The following GTF3A variants were observed in gnomAD, a reference collection of about 807,000 sequenced individuals.
GTF3A encodes the protein transcription factor IIIA.
A neutral mutation model predicts 37.6 loss-of-function variants in GTF3A; 40 were observed. The ratio of observed to expected loss-of-function variants is 1.06; its 90% CI spans 0.83 to 1.38. The LOEUF is 1.38. Among genes scored for constraint, GTF3A ranks in the 40% most tolerant of loss-of-function variants. The pLI, the probability that GTF3A is intolerant of heterozygous loss-of-function variation, is 0.00. For synonymous variants in GTF3A, 191 were observed against 166.7 expected, an observed-to-expected ratio of 1.15 and a Z score of -1.12; for missense variants, 500 against 462.6, an observed-to-expected ratio of 1.08 and a Z score of -0.74.
chr13:27,427,486 A>G (rs937912694), intron 2 of GTF3A, among the ~76,000 whole-genome samples: 1 of 152,166 alleles, frequency 6.6e-6, no homozygotes, highest in Admixed American at 6.5e-5. Context: ...CTGAGCTAAC[A>G]TAAAATGCTC....
intron 2 of GTF3A, among the ~76,000 whole-genome samples, chr13:27,427,763 A>G (rs543122189): frequency 2.0e-5 from 3 of 152,138 alleles, no homozygotes; most frequent in Admixed American, 2.0e-4. Flanking sequence ...TAAAAGTTAC[A>G]TAACAAAACT....
rs747721452 is a variant in GTF3A, at chr13:27,435,485, T to C, written c.986T>C (p.Ile329Thr). 1.2e-6 allele frequency: 2 copies of C among 1,613,300 alleles called. No homozygotes were observed. The highest frequency in any genetic ancestry group is 2.2e-5 in the South Asian group (2 of 90,984). Residue 329 changes from isoleucine to threonine, a missense_variant, in exon 9 of 9, where the codon ATC becomes ACC. Ile to Thr is a moderately conservative substitution (Grantham distance 89, BLOSUM62 -1). Transcript: ENST00000381140. ...TTGGCCTCTCATCTCAGTGGATATA[T>C]CCCTCCCAAAAGGAAACAAGGGCAA...
rs539824927 is a variant in GTF3A, at chr13:27,430,951, T to C, written c.488+330T>C. 4.7e-4 allele frequency among the ~76,000 whole-genome samples: 71 copies of C among 152,350 alleles called. No individual in the cohort carries two copies. In the South Asian group the frequency reaches 0.013, roughly 28 times the overall value. On this transcript the variant is annotated intron_variant, in intron 4 of 8. Coordinates refer to ENST00000381140, the MANE Select transcript of GTF3A (RefSeq NM_002097.3). ...ATTAGGTCCCATTTATTTATTTCTA[T>C]TTTTGTTGCATTTGCTTTCAGGGCC...
intron 5 of GTF3A, 76 bp downstream of exon 5, chr13:27,432,880 C>G: frequency 8.2e-7 from 1 of 1,224,650 alleles, no homozygotes; most frequent in Non-Finnish European, 1.2e-6. Flanking sequence ...TCTGTGATCA[C>G]GCTGAAAAGA....
At chr13:27,428,912 A>T (rs1248391510) in intron 2 of GTF3A, among the ~76,000 whole-genome samples, 1 of 150,318 alleles carries the variant, frequency 6.7e-6, no homozygotes, top group East Asian at 2.4e-4. Context: ...AGGAAAGGGC[A>T]TAAGAGGCAT....
At chr13:27,435,372 AAAATT>A (rs2138032639) in intron 8 of GTF3A, 56 bp from the exon 9 acceptor site, 1 of 1,528,900 alleles carries the variant, frequency 6.5e-7, no homozygotes, top group Admixed American at 1.9e-5. Context: ...TGACTATCGT[AAAATT>A]AACTCAGACA....
chr13:27,427,054 A>G (rs1052551442), intron 1 of GTF3A, 38 bp from the exon 2 acceptor site: 3 of 987,122 alleles, frequency 3.0e-6, no homozygotes, highest in Non-Finnish European at 4.8e-6. Flanking sequence ...GTTACTAACT[A>G]GTGCAGAAGT....
intron 4 of GTF3A, among the ~76,000 whole-genome samples, 187 bp from the exon 5 acceptor site, chr13:27,432,544 T>A (rs1163517602): frequency 6.6e-6 from 1 of 152,158 alleles, no homozygotes; most frequent in African/African-American, 2.4e-5. Flanking sequence ...TCTCCAACAG[T>A]TTGTTTTGTC....
intron 4 of GTF3A, 64 bp downstream of exon 4, chr13:27,430,685 G>A (rs1953649280): frequency 9.9e-7 from 1 of 1,011,472 alleles, no homozygotes; most frequent in Admixed American, 1.9e-5. Flanking sequence ...GAAATGCAAG[G>A]GTGGTGTTGA....
chr13:27,432,595 AGC>A (rs2138026918), intron 4 of GTF3A, 134 bp from the exon 5 acceptor site: 14 of 689,020 alleles, frequency 2.0e-5, no homozygotes, highest in Non-Finnish European at 3.4e-5. Flanking sequence ...CTGTGATGAG[AGC>A]TACATTTTAA....
chr13:27,433,676 A>G (rs1216521862), intron 5 of GTF3A, among the ~76,000 whole-genome samples: 1 of 152,062 alleles, frequency 6.6e-6, no homozygotes, highest in African/African-American at 2.4e-5. Flanking sequence ...GTGGTGTGCC[A>G]TGGACAAGGG....
At chr13:27,428,862 T>C (rs1288976762) in intron 2 of GTF3A, among the ~76,000 whole-genome samples, 1 of 152,210 alleles carries the variant, frequency 6.6e-6, no homozygotes, top group Non-Finnish European at 1.5e-5. Context: ...GATGCCTGTT[T>C]GGGCCCATCT....
intron 2 of GTF3A, among the ~76,000 whole-genome samples, chr13:27,427,406 C>T (rs138673229): frequency 3.3e-5 from 5 of 152,066 alleles, no homozygotes; most frequent in East Asian, 1.9e-4. Context: ...GGTGAAACCC[C>T]GTATGTACAA....
At chr13:27,434,357 ATGT>A (rs1477341795) in intron 6 of GTF3A, 138 bp downstream of exon 6, 6 of 673,390 alleles carry the variant, frequency 8.9e-6, no homozygotes, top group African/African-American at 3.6e-5. Flanking sequence ...GCTGGGTATG[ATGT>A]TGTTGGAAAG....
chr13:27,424,648 C>T lies in GTF3A; in HGVS notation c.-90C>T. 1 of 970,098 alleles carries T rather than the reference C, an allele frequency of 1.0e-6. No individual in the cohort carries two copies. Among genetic ancestry groups the T allele is most frequent in the Non-Finnish European group, 1.4e-6 (1 of 719,406 alleles). The allele number at this position is 970,098 out of a possible 1,614,324, so 60.1% of individuals were successfully genotyped here. ...GTGCCGGCGTCGCGCGAAGGTTCAG[C>T]AGGGAGCCGTGGGCCGGGCGCGCCG... is the stretch of plus-strand genomic sequence containing the variant. On this transcript the variant is annotated 5_prime_UTR_variant, in exon 1 of 9. Transcript: ENST00000381140.
chr13:27,428,360 C>T (rs1194323400), intron 2 of GTF3A, among the ~76,000 whole-genome samples: 1 of 152,192 alleles, frequency 6.6e-6, no homozygotes, highest in African/African-American at 2.4e-5. Context: ...CGGTCCCTTC[C>T]TCTGGCTGGA....
rs771722522 is a variant in GTF3A at position 27,435,667 on chromosome 13, TA to T, written c.*71del. ...CTTTCTCTCAGAGCATGCTTTTCTT[TA>T]TTAAAATTACTGATGCAGAACATTT... On this transcript the variant is annotated 3_prime_UTR_variant, in exon 9 of 9. Coordinates refer to ENST00000381140, the MANE Select transcript of GTF3A (RefSeq NM_002097.3). 4.0e-5 allele frequency: 65 copies of T among 1,613,324 alleles called. No individual in the cohort carries two copies. The highest frequency in any genetic ancestry group is 3.3e-4 in the Admixed American group (20 of 59,894).
At chr13:27,426,221 T>C (rs1216542446) in intron 1 of GTF3A, 1 of 152,260 alleles carries the variant, frequency 6.6e-6, no homozygotes, top group Non-Finnish European at 1.5e-5. Context: ...TTAATACAGG[T>C]TGAAAAACTT....
At chr13:27,430,735 A>G in intron 4 of GTF3A, 114 bp downstream of exon 4, 1 of 705,158 alleles carries the variant, frequency 1.4e-6, no homozygotes, top group South Asian at 1.7e-5. Flanking sequence ...ATATCTTCTG[A>G]GAAATGTCTG....
Sources: gnomAD v4.1 joint callset for allele counts (sites outside exome capture counted in the v4.1 genomes callset) on GRCh38, gnomAD v4.1.1 for gene constraint, MANE v1.5 for transcripts, NCBI Gene and HGNC (gene_info 2026-07-23, HGNC 2026-07-21) for gene names.